The following OLA1 variants were observed in gnomAD, a reference collection of about 807,000 sequenced individuals.
OLA1 encodes the protein Obg like ATPase 1, also known as obg-like ATPase 1.
A neutral mutation model predicts 48.4 loss-of-function variants in OLA1; 14 were observed. The observed-to-expected ratio is 0.29, with a 90% confidence interval of 0.19 to 0.45. The LOEUF is 0.45. Ranked by LOEUF, OLA1 falls within the 20% of genes least tolerant of loss-of-function variation. The pLI is 1.00. For missense variants in OLA1, 325 were observed against 467.1 expected (o/e 0.70, Z 2.80); for synonymous variants, 127 against 150.4 (o/e 0.84, Z 1.14).
intron 7 of OLA1, among the ~76,000 whole-genome samples, chr2:174,111,415 C>A (rs1460812877): frequency 6.6e-6 from 1 of 152,170 alleles, no homozygotes; most frequent in Non-Finnish European, 1.5e-5. Context: ...TTTCTTACTT[C>A]ACTTCTCTGA....
chr2:174,079,145 GCA>G, intron 9 of OLA1, 55 bp from the exon 10 acceptor site: 1 of 1,504,596 alleles, frequency 6.6e-7, no homozygotes, highest in East Asian at 2.3e-5. Context: ...CTGATTGTAA[GCA>G]CAGAGTTTCT....
At chr2:174,105,623 C>T (rs543244084) in intron 7 of OLA1, among the ~76,000 whole-genome samples, 1 of 152,050 alleles carries the variant, frequency 6.6e-6, no homozygotes, top group South Asian at 2.1e-4. Context: ...AAGAGTGACC[C>T]TAACTGCTAT....
chr2:174,130,072 C>T (rs903296328), intron 5 of OLA1, among the ~76,000 whole-genome samples: 15 of 152,176 alleles, frequency 9.9e-5, no homozygotes, highest in African/African-American at 3.4e-4. Context: ...CATCCTCCAA[C>T]TATTCCCTTT....
intron 4 of OLA1, among the ~76,000 whole-genome samples, chr2:174,174,815 C>G (rs1489885428): frequency 6.6e-6 from 1 of 151,712 alleles, no homozygotes; most frequent in Non-Finnish European, 1.5e-5. Context: ...AAAGCTAAAG[C>G]AATCTTAAAA....
intron 4 of OLA1, among the ~76,000 whole-genome samples, chr2:174,167,536 A>G (rs1319900933): frequency 2.0e-5 from 3 of 152,224 alleles, no homozygotes; most frequent in African/African-American, 7.2e-5. Context: ...AAATTGCACC[A>G]TTGCACTCCA....
intron 7 of OLA1, among the ~76,000 whole-genome samples, chr2:174,101,514 G>T (rs570588600): frequency 6.6e-6 from 1 of 152,120 alleles, no homozygotes; most frequent in Admixed American, 6.5e-5. Flanking sequence ...ACATAATGAG[G>T]TCCATTTATT....
chr2:174,092,493 C>T (rs376720402), intron 7 of OLA1, among the ~76,000 whole-genome samples: 18 of 151,236 alleles, frequency 1.2e-4, no homozygotes, highest in Middle Eastern at 6.8e-3. Context: ...GGTGAAACCC[C>T]GTCTCTATAA....
chr2:174,179,743 T>C (rs1368535560), intron 4 of OLA1, among the ~76,000 whole-genome samples: 2 of 152,070 alleles, frequency 1.3e-5, no homozygotes, highest in Non-Finnish European at 2.9e-5. Context: ...AACCCAGACC[T>C]TAGGGTTTTA....
chr2:174,081,904 G>A lies in OLA1; in HGVS notation c.869+20C>T, dbSNP rs1006316288. 9.9e-6 allele frequency: 16 copies of A among 1,608,364 alleles called. No homozygotes were observed. The highest frequency in any genetic ancestry group is 1.1e-5 in the Non-Finnish European group (13 of 1,177,756). On this transcript the variant is annotated intron_variant, in intron 8 of 10. Coordinates refer to ENST00000284719, the MANE Select transcript of OLA1 (RefSeq NM_013341.5). ...GAAATAGTTGATAATAAAGTGTAGG[G>A]AAAATGAATGCTAATTAACCTTTGT... is the stretch of plus-strand genomic sequence containing the variant.
intron 4 of OLA1, among the ~76,000 whole-genome samples, chr2:174,149,336 TTTC>T (rs1264722781): frequency 2.6e-5 from 4 of 152,200 alleles, no homozygotes; most frequent in African/African-American, 9.6e-5. Flanking sequence ...TCTCTGGTCA[TTTC>T]TTTTCTTGTT....
chr2:174,212,509 T>G (rs1688266220), intron 4 of OLA1, among the ~76,000 whole-genome samples: 1 of 152,200 alleles, frequency 6.6e-6, no homozygotes, highest in Non-Finnish European at 1.5e-5. Context: ...AAATTTATGT[T>G]AATTTTTTTC....
intron 2 of OLA1, among the ~76,000 whole-genome samples, chr2:174,231,404 C>T (rs988949148): frequency 2.6e-5 from 4 of 152,038 alleles, no homozygotes; most frequent in Non-Finnish European, 4.4e-5. Context: ...ATTGCATTTT[C>T]GTATACTGTA....
At chr2:174,245,693 A>G (rs972668131) in intron 2 of OLA1, among the ~76,000 whole-genome samples, 4 of 152,214 alleles carry the variant, frequency 2.6e-5, no homozygotes, top group African/African-American at 7.2e-5. Flanking sequence ...CAGGAGTTCA[A>G]CACCAGCCTG....
chr2:174,075,593 G>A (rs1446765353), intron 10 of OLA1, 66 bp from the exon 11 acceptor site: 1 of 939,698 alleles, frequency 1.1e-6, no homozygotes, highest in African/African-American at 1.7e-5. Context: ...GGTAAATGGT[G>A]GCAGCAGATA....
At chr2:174,104,222 T>C (rs959268443) in intron 7 of OLA1, among the ~76,000 whole-genome samples, 2 of 151,916 alleles carry the variant, frequency 1.3e-5, no homozygotes, top group Non-Finnish European at 2.9e-5. Flanking sequence ...CAGAGAGCCA[T>C]TTCTGCTTAT....
At chr2:174,199,736 ATGTTCAT>A (rs1687951071) in intron 4 of OLA1, among the ~76,000 whole-genome samples, 2 of 147,134 alleles carry the variant, frequency 1.4e-5, no homozygotes, top group South Asian at 5.0e-4. Flanking sequence ...TGAGTACAGA[ATGTTCAT>A]TGTTATAGTT....
intron 4 of OLA1, among the ~76,000 whole-genome samples, chr2:174,220,796 A>G (rs1253210889): frequency 6.6e-6 from 1 of 152,212 alleles, no homozygotes; most frequent in African/African-American, 2.4e-5. Flanking sequence ...AAATTAATGG[A>G]GAGAAACATG....
chr2:174,176,690 T>G (rs1687427734), intron 4 of OLA1, among the ~76,000 whole-genome samples: 1 of 151,976 alleles, frequency 6.6e-6, no homozygotes, highest in Non-Finnish European at 1.5e-5. Context: ...TTCACCGTGG[T>G]AAGGTCTTAC....
chr2:174,237,146 T>G (rs181240016), intron 2 of OLA1, among the ~76,000 whole-genome samples: 79 of 152,272 alleles, frequency 5.2e-4, no homozygotes, highest in African/African-American at 1.8e-3. Context: ...CTTTATATCC[T>G]TATTCCATAT....
Sources: allele counts gnomAD v4.1 joint callset (sites outside exome capture counted in the v4.1 genomes callset), GRCh38; gene constraint gnomAD v4.1.1; transcripts MANE v1.5; gene names NCBI Gene and HGNC (gene_info 2026-07-23, HGNC 2026-07-21).